The following PPP1R15B variants were observed in gnomAD, a reference collection of about 807,000 sequenced individuals.
The protein encoded by PPP1R15B is protein phosphatase 1, regulatory (inhibitor) subunit 15B.
A neutral mutation model predicts 53.9 loss-of-function variants in PPP1R15B; 31 were observed. The ratio of observed to expected loss-of-function variants is 0.58; its 90% CI spans 0.43 to 0.78. The LOEUF is 0.78. PPP1R15B is among the 30% of genes least tolerant of loss of function. PPP1R15B has a pLI of 0.00. For synonymous variants in PPP1R15B, 345 were observed against 329.1 expected (o/e 1.05, Z -0.52); for missense variants, 928 against 849.6 (o/e 1.09, Z -1.15).
chr1:204,402,896 AC>A (rs1370993514), downstream of PPP1R15B, among the ~76,000 whole-genome samples: 1 of 151,712 alleles, frequency 6.6e-6, no homozygotes, highest in Non-Finnish European at 1.5e-5. Flanking sequence ...ACATGATGAA[AC>A]CCCATCTCTA....
rs1224259869 is a variant in PPP1R15B at position 204,409,477 on chromosome 1, A to G, written c.1920+15T>C. 6.3e-7 allele frequency: 1 copy of G among 1,594,834 alleles called. No homozygotes were observed. Among genetic ancestry groups the G allele is most frequent in the Non-Finnish European group, 8.5e-7 (1 of 1,170,902 alleles). ...GTCAGAACATATCAGGCATGTTAAA[A>G]GACAAGAAACAAACCTTTTTTCTTT... is the stretch of plus-strand genomic sequence containing the variant. On this transcript the variant is annotated intron_variant, in intron 1 of 1. Coordinates refer to ENST00000367188, the MANE Select transcript of PPP1R15B (RefSeq NM_032833.5).
Position 204,409,889 on chromosome 1 carries a change from G to C in PPP1R15B, c.1523C>G (p.Ser508Cys). ...TAARIVPEEP[S>C]DSEKDLSGKS... ...GCCAGACAAATCCTTCTCTGAATCA[G>C]AAGGCTCTTCAGGAACAATTCTGGC... Residue 508 changes from serine (S) to cysteine (C), a missense_variant, in exon 1 of 2, where the codon TCT (serine) becomes TGT (cysteine). By Grantham distance (112) the Ser-to-Cys change is moderately radical. Coordinates refer to ENST00000367188, the MANE Select transcript of PPP1R15B (RefSeq NM_032833.5). The C allele has an allele frequency of 1.2e-6, 2 of 1,614,100 alleles. No individual in the cohort carries two copies. The highest frequency in any genetic ancestry group is 1.7e-6 in the Non-Finnish European group (2 of 1,180,008).
chr1:204,409,747 C>T lies in PPP1R15B; in HGVS notation c.1665G>A (p.Leu555=). 2 of 1,614,164 alleles carry T rather than the reference C, an allele frequency of 1.2e-6. No individual in the cohort carries two copies. The highest frequency in any genetic ancestry group is 1.3e-5 in the African/African-American group (1 of 75,042). ...CATCAGAATTACAGAATGAGTTCCA[C>T]AGTTTGAGACTCTCTGCTTCATCTG... The part of the protein sequence containing the change: ...SSADEAESLK[L]WNSFCNSDDP... Residue 555 remains leucine (L), a synonymous_variant, in exon 1 of 2, where the codon CTG becomes CTA. Transcript: ENST00000367188.
Position 204,410,039 on chromosome 1 carries a change from T to A in PPP1R15B, c.1373A>T (p.Asp458Val). ...WDEEAEDDGF[D>V]SDSSLSDSDL... ...TGAGTCTGACAGTGAGCTATCACTA[T>A]CAAAACCATCATCCTCAGCTTCCTC... The change falls in exon 1 of 2, where the codon GAT (aspartate) becomes GTT (valine). Residue 458 changes from aspartate (D) to valine (V), a missense_variant. Asp to Val is a radical substitution (Grantham distance 152). Transcript: ENST00000367188. 1 of 1,614,226 alleles carries A rather than the reference T, an allele frequency of 6.2e-7. No individual in the cohort carries two copies. Among genetic ancestry groups the A allele is most frequent in the South Asian group, 1.1e-5 (1 of 91,088 alleles).
chr1:204,404,159 A>G lies in PPP1R15B; in HGVS notation c.*1933T>C. 1.0e-6 allele frequency: 1 copy of G among 985,338 alleles called. No individual in the cohort carries two copies. Among genetic ancestry groups the G allele is most frequent in the Non-Finnish European group, 1.2e-6 (1 of 829,904 alleles). 61.0% of individuals were successfully genotyped at this position (985,338 alleles called of 1,614,324 possible). A position where few individuals can be genotyped will look rare whatever the true frequency, so the allele number is the denominator to read the frequency against. On this transcript the variant is annotated 3_prime_UTR_variant, in exon 2 of 2. Transcript: ENST00000367188. The stretch of plus-strand genomic sequence containing the variant: ...TGTTGCTTGAAACTAGCCTGTTTTC[A>G]TGTTATTAGACCATCCTGTAAATGT...
In PPP1R15B at chr1:204,409,478, G is replaced by T. The variant is rs190659991; in HGVS notation, c.1920+14C>A. 99 of 1,596,356 alleles carry T rather than the reference G, an allele frequency of 6.2e-5. 1 individual carries two copies. In the African/African-American group the frequency reaches 1.2e-3, roughly 20 times the overall value. ...TCAGAACATATCAGGCATGTTAAAAGACAAGAAACAAACCTTTTTTCTTTT... is the reference window on the plus strand; with the variant it reads ...TCAGAACATATCAGGCATGTTAAAATACAAGAAACAAACCTTTTTTCTTTT... On this transcript the variant is annotated intron_variant, in intron 1 of 1. Coordinates refer to ENST00000367188, the MANE Select transcript of PPP1R15B (RefSeq NM_032833.5).
chr1:204,411,009 A>AG lies in PPP1R15B; in HGVS notation c.402dup (p.Ser135LeufsTer7). On this transcript the variant is annotated frameshift_variant, in exon 1 of 2. Coordinates refer to ENST00000367188, the MANE Select transcript of PPP1R15B (RefSeq NM_032833.5). LOFTEE classifies it high-confidence loss of function. ...AGCCAATCAAGGGGACTGGTGACCG[A>AG]GGGGTCTGAGGAGTCGAGCTGCAGC... The AG allele has an allele frequency of 6.2e-7, 1 of 1,614,080 alleles. No homozygotes were observed. The highest frequency in any genetic ancestry group is 8.5e-7 in the Non-Finnish European group (1 of 1,179,986).
In PPP1R15B at chr1:204,409,542, G is replaced by C; in HGVS notation, c.1870C>G (p.Gln624Glu). ...CTTCCTCCAGAAAGAACGTCACGCT[G>C]TACCGAGTCTGGACATTCACTTTCT... is the stretch of plus-strand genomic sequence containing the variant. ...SQESECPDSV[Q>E]RDVLSGGRHT... is the part of the protein sequence containing the mutation. The change falls in exon 1 of 2, where the codon CAG becomes GAG. Residue 624 changes from glutamine to glutamate, a missense_variant. Gln to Glu is a conservative substitution (Grantham distance 29). Transcript: ENST00000367188. 1 of 1,614,072 alleles carries C rather than the reference G, an allele frequency of 6.2e-7. No individual in the cohort carries two copies. Among genetic ancestry groups the C allele is most frequent in the Non-Finnish European group, 8.5e-7 (1 of 1,180,008 alleles).
chr1:204,408,122 A>G (rs1674298530), intron 1 of PPP1R15B, among the ~76,000 whole-genome samples: 1 of 152,162 alleles, frequency 6.6e-6, no homozygotes. Flanking sequence ...TGTACAATAG[A>G]TATTATTATT....
At position 204,405,717 on chromosome 1, in the gene PPP1R15B, T is replaced by C; in HGVS notation, c.*375A>G. ...AGTTTTCAGATAGGCACACATAATT[T>C]AGATTAGAAATGAAAATGGGCTTTA... On this transcript the variant is annotated 3_prime_UTR_variant, in exon 2 of 2. Coordinates refer to ENST00000367188, the MANE Select transcript of PPP1R15B (RefSeq NM_032833.5). The C allele has an allele frequency of 9.1e-6, 9 of 994,384 alleles. No individual in the cohort carries two copies. The highest frequency in any genetic ancestry group is 1.1e-5 in the Non-Finnish European group (9 of 834,796). The allele number at this position is 994,384 out of a possible 1,614,324, so 61.6% of individuals were successfully genotyped here. A position where few individuals can be genotyped will look rare whatever the true frequency, so the allele number is the denominator to read the frequency against.
rs1386452010 is a variant in PPP1R15B, at chr1:204,405,772, TAAGTTTTGA to T, written c.*311_*319del. The T allele has an allele frequency of 9.6e-7, 1 of 1,044,070 alleles. No individual in the cohort carries two copies. Among genetic ancestry groups the T allele is most frequent in the African/African-American group, 1.7e-5 (1 of 59,240 alleles). 64.7% of individuals were successfully genotyped at this position (1,044,070 alleles called of 1,614,324 possible). On this transcript the variant is annotated 3_prime_UTR_variant, in exon 2 of 2. Transcript: ENST00000367188. ...CTATAAATATTGTTTTCCAAGAAAA[TAAGTTTTGA>T]AAGTGCAAAATGACAACTCAAAAAG...
At chr1:204,400,784 A>G (rs1005125931), downstream of PPP1R15B, 8 of 933,280 alleles carry the variant, frequency 8.6e-6, no homozygotes, top group Middle Eastern at 5.3e-4. Context: ...TCTTCTTGGT[A>G]GGGATCTATA....
intron 1 of PPP1R15B, among the ~76,000 whole-genome samples, chr1:204,407,006 A>G (rs767177839): frequency 4.6e-5 from 7 of 152,134 alleles, no homozygotes; most frequent in Non-Finnish European, 8.8e-5. Flanking sequence ...TTTAATCCTT[A>G]GGGAAATACA....
downstream of PPP1R15B, among the ~76,000 whole-genome samples, chr1:204,401,859 T>A (rs759255363): frequency 3.9e-5 from 6 of 152,156 alleles, no homozygotes; most frequent in Non-Finnish European, 8.8e-5. Context: ...AGGTTGAGGC[T>A]GTTGAGGCTA....
Position 204,404,694 on chromosome 1 carries a change from C to G in PPP1R15B, c.*1398G>C. On this transcript the variant is annotated 3_prime_UTR_variant, in exon 2 of 2. Coordinates refer to ENST00000367188, the MANE Select transcript of PPP1R15B (RefSeq NM_032833.5). Reference sequence around the variant, plus strand: ...AAGCACTTCTGATGAAAAATTCATCCCCACACTTAAATAAGTTCAAAACTA... The same window carrying G: ...AAGCACTTCTGATGAAAAATTCATCGCCACACTTAAATAAGTTCAAAACTA... The G allele has an allele frequency of 1.0e-6, 1 of 985,616 alleles. No individual in the cohort carries two copies. Among genetic ancestry groups the G allele is most frequent in the Non-Finnish European group, 1.2e-6 (1 of 829,852 alleles). The allele number at this position is 985,616 out of a possible 1,614,324, so 61.1% of individuals were successfully genotyped here. A position where few individuals can be genotyped will look rare whatever the true frequency, so the allele number is the denominator to read the frequency against.
downstream of PPP1R15B, chr1:204,403,293 T>C (rs544899248): frequency 4.0e-4 from 175 of 437,040 alleles, no homozygotes; most frequent in Admixed American, 7.1e-4. Context: ...AAAATGTTGT[T>C]TGCAATTATA....
chr1:204,402,233 T>C (rs996554441), downstream of PPP1R15B, among the ~76,000 whole-genome samples: 4 of 152,242 alleles, frequency 2.6e-5, no homozygotes, highest in African/African-American at 9.6e-5. Context: ...TTAATAACTT[T>C]TCTTCATTAT....
At position 204,411,523 on chromosome 1, in the gene PPP1R15B, T is replaced by C; in HGVS notation, c.-112A>G. On this transcript the variant is annotated 5_prime_UTR_variant, in exon 1 of 2. Transcript: ENST00000367188. ...CGGCCTTGCCCAGCGGTGGCGTCGC[T>C]GCTCCAGGCCGATCTTCGAGCCAGC... The C allele has an allele frequency of 7.1e-7, 1 of 1,399,748 alleles. No homozygotes were observed. Among genetic ancestry groups the C allele is most frequent in the Non-Finnish European group, 9.6e-7 (1 of 1,041,862 alleles). 86.7% of individuals were successfully genotyped at this position (1,399,748 alleles called of 1,614,324 possible).
At chr1:204,401,121 C>G (rs547035311), downstream of PPP1R15B, among the ~76,000 whole-genome samples, 148 of 152,368 alleles carry the variant, frequency 9.7e-4, 4 homozygotes, top group South Asian at 0.029. Flanking sequence ...CTCCTACTCT[C>G]AACTGCCTTC....
Sources: gnomAD v4.1 joint callset for allele counts (sites outside exome capture counted in the v4.1 genomes callset) on GRCh38, gnomAD v4.1.1 for gene constraint, MANE v1.5 for transcripts, NCBI Gene and HGNC (gene_info 2026-07-23, HGNC 2026-07-21) for gene names.